Variants in OSBPL6 observed in about 807,000 individuals in gnomAD.
The protein encoded by OSBPL6 is oxysterol-binding protein-related protein 6.
OSBPL6 carries 49 observed loss-of-function variants against 125.8 expected under a neutral mutation model. The ratio of observed to expected loss-of-function variants is 0.39; its 90% CI spans 0.31 to 0.49. The LOEUF is 0.49. Ranked by LOEUF, OSBPL6 falls within the 20% of genes least tolerant of loss-of-function variation. OSBPL6 has a pLI of 0.88. For synonymous variants in OSBPL6, 394 were observed against 391.8 expected, an observed-to-expected ratio of 1.01 and a Z score of -0.07; for missense variants, 986 against 1,135.4, an observed-to-expected ratio of 0.87 and a Z score of 1.89.
At chr2:178,221,009 C>T (rs1025416098) in intron 1 of OSBPL6, among the ~76,000 whole-genome samples, 10 of 152,220 alleles carry the variant, frequency 6.6e-5, no homozygotes, top group East Asian at 3.9e-4. Context: ...CCCAGAGTGC[C>T]GTCTTTATGG....
At position 178,372,158 on chromosome 2, in the gene OSBPL6, G is replaced by T. The variant is rs772447579; in HGVS notation, c.1320G>T (p.Arg440=). Residue 440 remains arginine, a synonymous_variant, in exon 14 of 25, where the codon CGG becomes CGT. Coordinates refer to ENST00000190611, the MANE Select transcript of OSBPL6 (RefSeq NM_032523.4). ...ALNQNAELRS[R]LNRIHSESII... ...ACCAGAATGCTGAACTAAGGAGTCG[G>T]TTGAACAGAATACATTCAGAGTCTA... The T allele has an allele frequency of 4.3e-6, 7 of 1,612,952 alleles. No homozygotes were observed. The highest frequency in any genetic ancestry group is 5.9e-6 in the Non-Finnish European group (7 of 1,179,392).
At chr2:178,255,441 G>A (rs1338025730) in intron 1 of OSBPL6, among the ~76,000 whole-genome samples, 1 of 152,226 alleles carries the variant, frequency 6.6e-6, no homozygotes, top group Non-Finnish European at 1.5e-5. Context: ...GCTCCCCAGG[G>A]ATTCAGTTAC....
intron 11 of OSBPL6, among the ~76,000 whole-genome samples, chr2:178,349,002 G>A (rs1690986968): frequency 6.6e-6 from 1 of 152,188 alleles, no homozygotes; most frequent in Non-Finnish European, 1.5e-5. Flanking sequence ...CTCTGTAGCA[G>A]TGAAAAATTG....
intron 1 of OSBPL6, among the ~76,000 whole-genome samples, chr2:178,204,320 G>A (rs1184571144): frequency 6.6e-6 from 1 of 152,106 alleles, no homozygotes; most frequent in African/African-American, 2.4e-5. Flanking sequence ...CACCCTGCCC[G>A]GCCTCACTGA....
At chr2:178,295,379 C>T (rs2154050675) in intron 2 of OSBPL6, among the ~76,000 whole-genome samples, 1 of 152,318 alleles carries the variant, frequency 6.6e-6, no homozygotes, top group South Asian at 2.1e-4. Context: ...GCCAAATATG[C>T]AGCCTGTTAT....
intron 1 of OSBPL6, among the ~76,000 whole-genome samples, chr2:178,204,106 C>T (rs1251934442): frequency 1.3e-5 from 2 of 151,346 alleles, no homozygotes; most frequent in African/African-American, 4.9e-5. Flanking sequence ...CCACTGCAAC[C>T]TCCGCCTGCT....
chr2:178,361,041 G>T (rs946287163), intron 12 of OSBPL6, among the ~76,000 whole-genome samples: 1 of 152,160 alleles, frequency 6.6e-6, no homozygotes, highest in African/African-American at 2.4e-5. Context: ...AATTTGTTAG[G>T]TATGTAGGAA....
At chr2:178,379,889 G>A (rs563722434) in intron 15 of OSBPL6, among the ~76,000 whole-genome samples, 2 of 152,274 alleles carry the variant, frequency 1.3e-5, no homozygotes, top group East Asian at 3.9e-4. Context: ...TCATCCATGT[G>A]TGCAATCATT....
intron 3 of OSBPL6, among the ~76,000 whole-genome samples, chr2:178,320,891 G>A (rs1688179620): frequency 6.6e-6 from 1 of 152,174 alleles, no homozygotes; most frequent in South Asian, 2.1e-4. Flanking sequence ...TGGGTGCAGT[G>A]GCTCACGCCT....
chr2:178,247,849 C>T (rs186299009), intron 1 of OSBPL6, among the ~76,000 whole-genome samples: 40 of 152,304 alleles, frequency 2.6e-4, no homozygotes, highest in Admixed American at 2.5e-3. Flanking sequence ...TTATACCTCA[C>T]AGGTTTGTAG....
intron 3 of OSBPL6, among the ~76,000 whole-genome samples, chr2:178,310,412 C>CTTTTTTTTTTTTTT (rs71023440): frequency 1.2e-5 from 1 of 85,714 alleles, no homozygotes; most frequent in East Asian, 3.5e-4. Context: ...AAACTGAACT[C>CTTTTTTTTTTTTTT]TTTTTTTTTT....
intron 2 of OSBPL6, among the ~76,000 whole-genome samples, chr2:178,292,143 A>G: frequency 6.6e-6 from 1 of 151,802 alleles, no homozygotes; most frequent in East Asian, 1.9e-4. Context: ...CCGAAACTCA[A>G]TGATTGGTAC....
intron 1 of OSBPL6, among the ~76,000 whole-genome samples, chr2:178,261,024 C>T (rs763601909): frequency 6.6e-6 from 1 of 151,962 alleles, no homozygotes; most frequent in Non-Finnish European, 1.5e-5. Flanking sequence ...CCCAGCTACT[C>T]GGGAGGCTGA....
chr2:178,360,505 C>G (rs909728805), intron 12 of OSBPL6, among the ~76,000 whole-genome samples: 1 of 152,084 alleles, frequency 6.6e-6, no homozygotes, highest in African/African-American at 2.4e-5. Context: ...TTTTTTAAAG[C>G]TAACCATTTT....
In OSBPL6 at chr2:178,228,230, T is replaced by C. The variant is rs920970109; in HGVS notation, c.-351+33556T>C. On this transcript the variant is annotated intron_variant, in intron 1 of 24. Transcript: ENST00000190611. ...TCTCATTCATTTAATAGTTTAGTTA[T>C]CATCCAATAAAAATTTAAGACACGG... Among the ~76,000 whole-genome samples the C allele has an allele frequency of 3.3e-5, 5 of 152,206 alleles. 1 individual carries two copies. In the South Asian group the frequency reaches 1.0e-3, roughly 31 times the overall value.
chr2:178,247,775 T>C (rs2091547145), intron 1 of OSBPL6, among the ~76,000 whole-genome samples: 1 of 151,984 alleles, frequency 6.6e-6, no homozygotes, highest in South Asian at 2.1e-4. Context: ...CCTTGGGGAG[T>C]ATTTTGTCTG....
At chr2:178,289,831 A>G (rs1403583704) in intron 2 of OSBPL6, among the ~76,000 whole-genome samples, 1 of 131,942 alleles carries the variant, frequency 7.6e-6, no homozygotes, top group Non-Finnish European at 1.7e-5. Context: ...TTTTTTCTCT[A>G]TTACTCAGAT....
intron 1 of OSBPL6, among the ~76,000 whole-genome samples, chr2:178,225,682 T>G: frequency 6.6e-6 from 1 of 152,194 alleles, no homozygotes; most frequent in Non-Finnish European, 1.5e-5. Context: ...CTCACAATCA[T>G]GGCAGAAGGC....
At chr2:178,289,907 A>C (rs1685081639) in intron 2 of OSBPL6, among the ~76,000 whole-genome samples, 1 of 152,168 alleles carries the variant, frequency 6.6e-6, no homozygotes, top group African/African-American at 2.4e-5. Flanking sequence ...TCTGGCAAGA[A>C]TTCTGCTTCC....
Sources: gnomAD v4.1 joint callset for allele counts (sites outside exome capture counted in the v4.1 genomes callset) on GRCh38, gnomAD v4.1.1 for gene constraint, MANE v1.5 for transcripts, NCBI Gene and HGNC (gene_info 2026-07-23, HGNC 2026-07-21) for gene names.